The following CSMD1 variants were observed in gnomAD, a reference collection of about 807,000 sequenced individuals.
The protein encoded by CSMD1 is CUB and Sushi multiple domains 1.
In CSMD1, 213 loss-of-function variants were observed where a neutral mutation model predicts 417.5. The ratio of observed to expected loss-of-function variants is 0.51; its 90% CI spans 0.46 to 0.57. The LOEUF is 0.57. Ranked by LOEUF, CSMD1 falls within the 20% of genes least tolerant of loss-of-function variation. The pLI is 0.00. For synonymous variants in CSMD1, 2,862 were observed against 1,736.8 expected (o/e 1.65, Z -16.11); for missense variants, 6,923 against 4,529.7 (o/e 1.53, Z -15.17).
intron 23 of CSMD1, among the ~76,000 whole-genome samples, chr8:3,339,626 T>C (rs1807509371): frequency 6.6e-6 from 1 of 152,244 alleles, no homozygotes; most frequent in Non-Finnish European, 1.5e-5. Flanking sequence ...AGAGGGCTAC[T>C]CTGATATCCA....
rs1024328884 is a variant in CSMD1 at position 3,180,775 on chromosome 8, G to A, written c.5725+335C>T. Among the ~76,000 whole-genome samples the A allele has an allele frequency of 4.6e-5, 7 of 152,036 alleles. No individual in the cohort carries two copies. The East Asian group carries it at 7.8e-4, about 17-fold the overall frequency. ...CTCTTAGGTAGCTGAGATTACAGGC[G>A]CCCGTCACCATGCCCAGCTAATTTT... On this transcript the variant is annotated intron_variant, in intron 37 of 69. Transcript: ENST00000635120.
At chr8:4,749,903 T>C (rs1224723375) in intron 1 of CSMD1, among the ~76,000 whole-genome samples, 1 of 152,076 alleles carries the variant, frequency 6.6e-6, no homozygotes, top group Non-Finnish European at 1.5e-5. Flanking sequence ...TCTTGTTTTG[T>C]CTCTAGATTG....
At chr8:4,587,035 A>C (rs1799736069) in intron 2 of CSMD1, among the ~76,000 whole-genome samples, 1 of 152,220 alleles carries the variant, frequency 6.6e-6, no homozygotes, top group African/African-American at 2.4e-5. Context: ...GTTAATTTTG[A>C]ATGAATGCTT....
chr8:4,918,670 T>G (rs1311295691), intron 1 of CSMD1, among the ~76,000 whole-genome samples: 1 of 152,232 alleles, frequency 6.6e-6, no homozygotes, highest in Non-Finnish European at 1.5e-5. Context: ...ATCTCACTAT[T>G]TCAGTGAAAT....
intron 5 of CSMD1, among the ~76,000 whole-genome samples, chr8:3,778,568 G>C (rs1563071074): frequency 6.6e-6 from 1 of 152,150 alleles, no homozygotes. Context: ...TTTATTTTCT[G>C]AGATTCTCTA....
chr8:4,008,700 T>A (rs866207251), intron 4 of CSMD1, among the ~76,000 whole-genome samples: 2 of 133,308 alleles, frequency 1.5e-5, no homozygotes, highest in African/African-American at 2.8e-5. Flanking sequence ...AAGCTCCCCA[T>A]CCCGGGTTCA....
At chr8:3,784,770 G>A (rs6981297) in intron 5 of CSMD1, among the ~76,000 whole-genome samples, 14,497 of 152,096 alleles carry the variant, frequency 0.095, 902 homozygotes, top group African/African-American at 0.18. Context: ...GATACAATTA[G>A]CAATTCCACT....
At chr8:3,099,502 A>G (rs1024104902) in intron 46 of CSMD1, among the ~76,000 whole-genome samples, 1 of 152,138 alleles carries the variant, frequency 6.6e-6, no homozygotes, top group Non-Finnish European at 1.5e-5. Flanking sequence ...ATGCTACCAG[A>G]GGGCGTTTCA....
At chr8:3,417,640 T>C (rs900535480) in intron 12 of CSMD1, among the ~76,000 whole-genome samples, 1 of 151,730 alleles carries the variant, frequency 6.6e-6, no homozygotes, top group African/African-American at 2.4e-5. Flanking sequence ...CAGTACATGC[T>C]TCCATTTTCG....
At chr8:3,635,065 T>C (rs1332113532) in intron 7 of CSMD1, among the ~76,000 whole-genome samples, 1 of 151,384 alleles carries the variant, frequency 6.6e-6, no homozygotes, top group East Asian at 1.9e-4. Context: ...AAAAATGGGA[T>C]GCCTATATAA....
intron 3 of CSMD1, among the ~76,000 whole-genome samples, chr8:4,304,917 G>A (rs1798162871): frequency 6.6e-6 from 1 of 152,116 alleles, no homozygotes. Context: ...GTGTAACGAT[G>A]AGATGATGAA....
At chr8:3,185,985 T>C (rs1475576332) in intron 36 of CSMD1, among the ~76,000 whole-genome samples, 5 of 152,138 alleles carry the variant, frequency 3.3e-5, no homozygotes, top group African/African-American at 1.2e-4. Flanking sequence ...TACTAATCTG[T>C]TAAGATATTT....
intron 5 of CSMD1, among the ~76,000 whole-genome samples, chr8:3,885,315 C>T (rs566317664): frequency 6.6e-6 from 1 of 152,026 alleles, no homozygotes; most frequent in Non-Finnish European, 1.5e-5. Context: ...AGGGGTTTGT[C>T]AGTATTTATT....
chr8:3,481,659 T>C (rs1352844186), intron 11 of CSMD1, among the ~76,000 whole-genome samples: 2 of 152,164 alleles, frequency 1.3e-5, no homozygotes, highest in Admixed American at 1.3e-4. Flanking sequence ...CCACCACTAG[T>C]ATCCATATAA....
rs923812756 is a variant in CSMD1, at chr8:3,076,669, G to A, written c.7474+10428C>T. 2.0e-5 allele frequency among the ~76,000 whole-genome samples: 3 copies of A among 152,174 alleles called. No homozygotes were observed. In the East Asian group the frequency reaches 5.8e-4, roughly 29 times the overall value. On this transcript the variant is annotated intron_variant, in intron 49 of 69. Coordinates refer to ENST00000635120, the MANE Select transcript of CSMD1 (RefSeq NM_033225.6). ...CCTAATTTCAAGCTGTTTCCTCCCA[G>A]CAACACTGTTTATGTTAGAAACCTC...
At chr8:4,553,499 G>A (rs1455944271) in intron 2 of CSMD1, among the ~76,000 whole-genome samples, 1 of 151,334 alleles carries the variant, frequency 6.6e-6, no homozygotes, top group Non-Finnish European at 1.5e-5. Flanking sequence ...ATAAAGGAGG[G>A]AGAGACTGCT....
In CSMD1 at chr8:4,507,789, A is replaced by G. The variant is rs1802604335; in HGVS notation, c.303-87724T>C. On this transcript the variant is annotated intron_variant, in intron 2 of 69. Coordinates refer to ENST00000635120, the MANE Select transcript of CSMD1 (RefSeq NM_033225.6). ...TTGTCTATAAGAGTTGTAATGAAAC[A>G]GAAGCTTTATATGAGAATGTCTGCT... is the stretch of plus-strand genomic sequence containing the variant. Among the ~76,000 whole-genome samples the G allele has an allele frequency of 2.0e-5, 3 of 152,216 alleles. 1 individual carries two copies. The South Asian group carries it at 6.2e-4, about 31-fold the overall frequency.
intron 3 of CSMD1, among the ~76,000 whole-genome samples, chr8:4,131,337 C>T (rs1373471295): frequency 1.3e-5 from 2 of 152,128 alleles, no homozygotes; most frequent in Admixed American, 1.3e-4. Context: ...CTTTCATCTT[C>T]CACTTGGTGA....
At chr8:3,653,894 G>C (rs543268330) in intron 7 of CSMD1, among the ~76,000 whole-genome samples, 2 of 152,142 alleles carry the variant, frequency 1.3e-5, no homozygotes, top group Admixed American at 1.3e-4. Flanking sequence ...GACAGCATCA[G>C]TATTAAAAAT....
Sources: gnomAD v4.1 joint callset for allele counts (sites outside exome capture counted in the v4.1 genomes callset) on GRCh38, gnomAD v4.1.1 for gene constraint, MANE v1.5 for transcripts, NCBI Gene and HGNC (gene_info 2026-07-23, HGNC 2026-07-21) for gene names.